The following EPG5 variants were observed in gnomAD, a reference collection of about 807,000 sequenced individuals.
EPG5 encodes the protein ectopic P-granules 5 autophagy tethering factor, also known as ectopic P granules protein 5 homolog.
EPG5 carries 159 observed loss-of-function variants against 302.7 expected under a neutral mutation model. That is an observed-to-expected ratio of 0.53 (90% confidence interval 0.46 to 0.60). The LOEUF is 0.60. Among genes scored for constraint, EPG5 ranks in the 20% least tolerant of loss-of-function variants. The probability of loss-of-function intolerance (pLI) is 0.00; values close to 1 mark genes in which losing one functional copy is unlikely to be tolerated. For synonymous variants in EPG5, 1,158 were observed against 1,136.8 expected (o/e 1.02, Z -0.37); for missense variants, 2,896 against 3,092.4 (o/e 0.94, Z 1.51).
intron 1 of EPG5, among the ~76,000 whole-genome samples, chr18:45,965,030 T>C (rs1236656275): frequency 6.6e-6 from 1 of 152,154 alleles, no homozygotes. Flanking sequence ...CAGACCTGGA[T>C]ACACCAATGT....
At position 45,858,872 on chromosome 18, in the gene EPG5, T is replaced by C. The variant is rs544862371; in HGVS notation, c.7010-90A>G. 3 of 453,580 alleles carry C rather than the reference T, an allele frequency of 6.6e-6. No homozygotes were observed. In the East Asian group the frequency reaches 2.2e-4, roughly 33 times the overall value. The allele number at this position is 453,580 out of a possible 1,614,324, so 28.1% of individuals were successfully genotyped here. A position where few individuals can be genotyped will look rare whatever the true frequency, so the allele number is the denominator to read the frequency against. On this transcript the variant is annotated intron_variant, in intron 40 of 43. Transcript: ENST00000282041. The stretch of plus-strand genomic sequence containing the variant: ...AATATTTTCACTTTAAGCTTCATGA[T>C]TTTTTTTTTTGACATAGCAACCTAT...
the EPG5 span, among the ~76,000 whole-genome samples, chr18:45,823,183 A>G: frequency 7.2e-5 from 11 of 152,070 alleles, no homozygotes; most frequent in African/African-American, 2.7e-4. Context: ...GAGTGGTGGT[A>G]CTCCAGGCAG....
the EPG5 span, chr18:45,838,799 C>A: frequency 6.4e-7 from 1 of 1,559,030 alleles, no homozygotes; most frequent in Non-Finnish European, 8.6e-7. Context: ...GAAGGGGAGC[C>A]GCCGCCCGCC....
At chr18:45,937,040 G>A (rs1245924766) in intron 10 of EPG5, among the ~76,000 whole-genome samples, 1 of 152,006 alleles carries the variant, frequency 6.6e-6, no homozygotes, top group Non-Finnish European at 1.5e-5. Context: ...TCTAAGGTCA[G>A]TTGGGCCAGG....
Position 45,865,622 on chromosome 18 carries a change from G to A in EPG5, c.6759C>T (p.Asn2253=). 6.2e-7 allele frequency: 1 copy of A among 1,614,022 alleles called. No individual in the cohort carries two copies. Among genetic ancestry groups the A allele is most frequent in the African/African-American group, 1.3e-5 (1 of 75,034 alleles). The change falls in exon 39 of 44, where the codon AAC becomes AAT. Residue 2253 remains asparagine (N), a synonymous_variant. Transcript: ENST00000282041. ...SKLLDDIIVF[N]PPDMDSQTRH... ...TTCCGACTGGTCACTTACCGGGCGGGTTAAAGACAATGATATCGTCTAAGA... is the reference window on the plus strand; with the variant it reads ...TTCCGACTGGTCACTTACCGGGCGGATTAAAGACAATGATATCGTCTAAGA...
At chr18:45,943,454 A>C (rs565059271) in intron 8 of EPG5, 143 bp from the exon 9 acceptor site, 3 of 682,802 alleles carry the variant, frequency 4.4e-6, no homozygotes, top group Admixed American at 2.9e-5. Context: ...TCCCATATCA[A>C]CATGAAATGG....
chr18:45,950,873 C>T (rs1289077038), intron 4 of EPG5, among the ~76,000 whole-genome samples: 1 of 152,110 alleles, frequency 6.6e-6, no homozygotes, highest in African/African-American at 2.4e-5. Flanking sequence ...AGCTGAAGTC[C>T]AGAGTTCATT....
intron 9 of EPG5, among the ~76,000 whole-genome samples, chr18:45,942,535 G>A (rs7231716): frequency 0.099 from 15,119 of 151,968 alleles, 885 homozygotes; most frequent in African/African-American, 0.16. Flanking sequence ...CCCAGGAGGC[G>A]TGGGCTGCAG....
At chr18:45,810,387 C>T in the EPG5 span, among the ~76,000 whole-genome samples, 16 of 152,162 alleles carry the variant, frequency 1.1e-4, no homozygotes, top group Admixed American at 1.0e-3. Flanking sequence ...ATCCTAACAC[C>T]ACAACCAGGA....
At position 45,963,719 on chromosome 18, in the gene EPG5, A is replaced by G. The variant is rs143027244; in HGVS notation, c.63+3458T>C. Among the ~76,000 whole-genome samples the G allele has an allele frequency of 6.9e-3, 1,057 of 152,344 alleles. 9 individuals carry two copies. Among genetic ancestry groups the G allele is most frequent in the African/African-American group, 0.024 (993 of 41,586 alleles). ...GAGGAAGACAGAGGCAAGATCATAC[A>G]GAGCCCTTAGTCCATGCTTTGGACT... On this transcript the variant is annotated intron_variant, in intron 1 of 43. Coordinates refer to ENST00000282041, the MANE Select transcript of EPG5 (RefSeq NM_020964.3).
At chr18:45,917,630 T>C (rs779804861) in intron 17 of EPG5, 49 bp downstream of exon 17, 1 of 1,604,518 alleles carries the variant, frequency 6.2e-7, no homozygotes, top group Non-Finnish European at 8.5e-7. Flanking sequence ...TCATTTGTAC[T>C]TGCTGGACTG....
intron 12 of EPG5, 94 bp from the exon 13 acceptor site, chr18:45,929,103 A>G: frequency 3.1e-6 from 4 of 1,289,474 alleles, no homozygotes; most frequent in Non-Finnish European, 4.3e-6. Context: ...AGCAGAAAGA[A>G]TCTTACATTG....
At position 45,884,828 on chromosome 18, in the gene EPG5, G is replaced by T; in HGVS notation, c.5110-17C>A. On this transcript the variant is annotated splice_polypyrimidine_tract_variant and intron_variant, in intron 29 of 43. Transcript: ENST00000282041. ...GATAAATACCTTGGAAAAATAAAAA[G>T]GAAAAATGTCACCAGATTCTTCCCT... 6.7e-7 allele frequency: 1 copy of T among 1,495,954 alleles called. No homozygotes were observed. Among genetic ancestry groups the T allele is most frequent in the South Asian group, 1.3e-5 (1 of 75,692 alleles). 92.7% of individuals were successfully genotyped at this position (1,495,954 alleles called of 1,614,324 possible).
rs763947617 is a variant in EPG5, at chr18:45,882,388, C to A, written c.5404G>T (p.Glu1802Ter). The A allele has an allele frequency of 6.2e-7, 1 of 1,614,206 alleles. No individual in the cohort carries two copies. The highest frequency in any genetic ancestry group is 1.1e-5 in the South Asian group (1 of 91,084). Residue 1802 changes from glutamate to a stop codon, truncating the protein, a stop_gained, in exon 31 of 44, where the codon GAA (glutamate) becomes TAA (stop). Coordinates refer to ENST00000282041, the MANE Select transcript of EPG5 (RefSeq NM_020964.3). LOFTEE classifies it high-confidence loss of function. ...GGCATCAAAATATCCTCATCTGGTT[C>A]AAGGCCCCAGGCAGTAAGTGCCAAG... ...IHLALTAWGL[E>*]PDEDILMPFN... is the part of the protein sequence containing the mutation.
the EPG5 span, chr18:45,838,682 T>C: frequency 1.3e-6 from 2 of 1,517,138 alleles, no homozygotes; most frequent in East Asian, 2.4e-5. Context: ...AGGGGAGGGG[T>C]GCCCTTGTGA....
At chr18:45,855,299 TCA>T (rs2048491705) in intron 43 of EPG5, 2 of 314,280 alleles carry the variant, frequency 6.4e-6, no homozygotes. Flanking sequence ...AAGTGCATAT[TCA>T]CACTTATCAG....
At chr18:45,857,588 A>G (rs2048541592) in intron 42 of EPG5, 3 of 387,158 alleles carry the variant, frequency 7.7e-6, no homozygotes, top group Non-Finnish European at 9.4e-6. Flanking sequence ...GTTAGGTTAC[A>G]AAGTCCAAAC....
Position 45,955,257 on chromosome 18 carries a change from G to A in EPG5, c.145C>T (p.Pro49Ser). 9 of 1,614,126 alleles carry A rather than the reference G, an allele frequency of 5.6e-6. No homozygotes were observed. The highest frequency in any genetic ancestry group is 7.6e-6 in the Non-Finnish European group (9 of 1,180,008). ...LPKTSREQEI[P>S]SLACEFKGDH... ...CCTTTGAATTCACAGGCTAGAGAAG[G>A]GATTTCCTGCTCTCTGGAGGTTTTT... is the stretch of plus-strand genomic sequence containing the variant. The change falls in exon 2 of 44, where the codon CCT becomes TCT. Residue 49 changes from proline to serine, a missense_variant. Pro to Ser is a moderately conservative substitution (Grantham distance 74). Coordinates refer to ENST00000282041, the MANE Select transcript of EPG5 (RefSeq NM_020964.3).
intron 38 of EPG5, among the ~76,000 whole-genome samples, chr18:45,866,416 C>T (rs2048748872): frequency 6.6e-6 from 1 of 152,142 alleles, no homozygotes; most frequent in African/African-American, 2.4e-5. Flanking sequence ...CCACCGCACC[C>T]AGCCTTTGCA....
Sources: gnomAD v4.1 joint callset for allele counts (sites outside exome capture counted in the v4.1 genomes callset) on GRCh38, gnomAD v4.1.1 for gene constraint, MANE v1.5 for transcripts, NCBI Gene and HGNC (gene_info 2026-07-23, HGNC 2026-07-21) for gene names.